The following CNTNAP2 variants were observed in gnomAD, a reference collection of about 807,000 sequenced individuals.
CNTNAP2 encodes contactin associated protein 2, also known as contactin-associated protein-like 2.
CNTNAP2 carries 98 observed loss-of-function variants against 155.2 expected under a neutral mutation model. The observed-to-expected ratio is 0.63, with a 90% CI of 0.54 to 0.75. The LOEUF (loss-of-function observed/expected upper bound fraction) is 0.75. CNTNAP2 is among the 30% of genes least tolerant of loss of function. CNTNAP2 has a pLI of 0.00. For missense variants in CNTNAP2, 1,727 were observed against 1,688.1 expected, an observed-to-expected ratio of 1.02 and a Z score of -0.40; for synonymous variants, 651 against 631.2, an observed-to-expected ratio of 1.03 and a Z score of -0.47.
At chr7:146,373,178 T>C (rs772087652) in intron 1 of CNTNAP2, among the ~76,000 whole-genome samples, 3 of 152,112 alleles carry the variant, frequency 2.0e-5, no homozygotes, top group Non-Finnish European at 4.4e-5. Flanking sequence ...CTGCAGACAT[T>C]TGGGGATCTT....
At chr7:147,060,868 A>AAACAT (rs1799654020) in intron 4 of CNTNAP2, among the ~76,000 whole-genome samples, 1 of 151,822 alleles carries the variant, frequency 6.6e-6, no homozygotes, top group Admixed American at 6.5e-5. Context: ...TGTCTCAAAA[A>AAACAT]AAAAATAGAA....
At chr7:147,733,264 T>G (rs1336470792) in intron 13 of CNTNAP2, among the ~76,000 whole-genome samples, 2 of 152,212 alleles carry the variant, frequency 1.3e-5, no homozygotes, top group Non-Finnish European at 2.9e-5. Flanking sequence ...TAGTCAGTTT[T>G]GTTAAATAGG....
Position 148,323,294 on chromosome 7 carries a change from CTTTTTTTTTTTTTTTT to C in CNTNAP2, c.3475+56181_3475+56196del, listed in dbSNP as rs60109355. Reference sequence around the variant, plus strand: ...CATATGGCTTCCCAATTATGGATTTCTTTTTTTTTTTTTTTTTTTTTTTTTTTTCAGATTGTGATTT... The same window carrying C: ...CATATGGCTTCCCAATTATGGATTTCTTTTTTTTTTTTCAGATTGTGATTT... On this transcript the variant is annotated intron_variant, in intron 21 of 23. Transcript: ENST00000361727. Among the ~76,000 whole-genome samples, 4 of 49,464 alleles carry C rather than the reference CTTTTTTTTTTTTTTTT, an allele frequency of 8.1e-5. No homozygotes were observed. In the East Asian group the frequency reaches 3.2e-3, roughly 40 times the overall value. The allele number at this position is 49,464 out of a possible 152,430, so 32.5% of individuals were successfully genotyped here. A position where few individuals can be genotyped will look rare whatever the true frequency, so the allele number is the denominator to read the frequency against.
intron 8 of CNTNAP2, among the ~76,000 whole-genome samples, chr7:147,299,486 T>A (rs1160159040): frequency 6.6e-6 from 1 of 151,978 alleles, no homozygotes; most frequent in Non-Finnish European, 1.5e-5. Flanking sequence ...TATTTGTAAA[T>A]GTTCAGATAA....
chr7:147,643,309 CAG>C (rs1795315617), intron 13 of CNTNAP2: 4 of 152,238 alleles, frequency 2.6e-5, no homozygotes, highest in Admixed American at 6.5e-5. Flanking sequence ...TCTGATATAC[CAG>C]TCTCTAAATA....
At chr7:147,969,001 A>G in intron 14 of CNTNAP2, among the ~76,000 whole-genome samples, 1 of 152,184 alleles carries the variant, frequency 6.6e-6, no homozygotes, top group East Asian at 1.9e-4. Context: ...TTTCAAAGTT[A>G]CTTTCCTTGT....
At chr7:148,331,992 C>T (rs1798034853) in intron 21 of CNTNAP2, among the ~76,000 whole-genome samples, 1 of 152,164 alleles carries the variant, frequency 6.6e-6, no homozygotes. Context: ...CCACCCTCTG[C>T]TCTCACTTCT....
At chr7:146,438,266 GT>G (rs1796272013) in intron 1 of CNTNAP2, among the ~76,000 whole-genome samples, 1 of 143,038 alleles carries the variant, frequency 7.0e-6, no homozygotes, top group Admixed American at 7.0e-5. Context: ...ATATCCTACA[GT>G]TATTTATCCA....
chr7:148,289,035 G>A (rs1013725998), intron 21 of CNTNAP2, among the ~76,000 whole-genome samples: 1 of 151,540 alleles, frequency 6.6e-6, no homozygotes, highest in African/African-American at 2.4e-5. Context: ...TCAGGGTGGT[G>A]GGATTCCTAC....
intron 4 of CNTNAP2, among the ~76,000 whole-genome samples, chr7:147,079,531 A>G (rs1800072168): frequency 2.0e-5 from 3 of 151,840 alleles, no homozygotes; most frequent in South Asian, 4.2e-4. Context: ...CCAACATGGC[A>G]TATGTATACA....
chr7:146,952,957 A>G (rs1048281420), intron 3 of CNTNAP2, among the ~76,000 whole-genome samples: 1 of 152,090 alleles, frequency 6.6e-6, no homozygotes, highest in Non-Finnish European at 1.5e-5. Flanking sequence ...TGTTTATTGT[A>G]AGTGACAGTC....
intron 10 of CNTNAP2, among the ~76,000 whole-genome samples, chr7:147,469,533 C>CT (rs1230984606): frequency 5.3e-5 from 3 of 57,050 alleles, no homozygotes; most frequent in African/African-American, 1.3e-4. Context: ...TTTTTTTTTT[C>CT]TGTGAGACAA....
intron 3 of CNTNAP2, among the ~76,000 whole-genome samples, chr7:146,852,692 G>T (rs1242211671): frequency 6.6e-6 from 1 of 152,120 alleles, no homozygotes; most frequent in African/African-American, 2.4e-5. Context: ...CTCGCCCAGA[G>T]CCAAAACAGC....
chr7:147,816,008 T>G (rs897154632), intron 13 of CNTNAP2, among the ~76,000 whole-genome samples: 2 of 152,214 alleles, frequency 1.3e-5, no homozygotes. Flanking sequence ...TAATAAGTGG[T>G]GTTGAGACTA....
At chr7:147,893,688 C>T (rs141249236) in intron 13 of CNTNAP2, among the ~76,000 whole-genome samples, 2 of 152,288 alleles carry the variant, frequency 1.3e-5, no homozygotes, top group Admixed American at 1.3e-4. Context: ...ACTTACCTCC[C>T]ACCCGTGGGT....
intron 21 of CNTNAP2, among the ~76,000 whole-genome samples, chr7:148,309,636 G>A (rs1394042914): frequency 6.6e-6 from 1 of 151,338 alleles, no homozygotes; most frequent in Non-Finnish European, 1.5e-5. Flanking sequence ...CTCAGTAGGG[G>A]AGCTTTTGAG....
rs192136779 is a variant in CNTNAP2, at chr7:147,033,741, A to G, written c.403-10166A>G. 1.3e-3 allele frequency among the ~76,000 whole-genome samples: 202 copies of G among 152,090 alleles called. 4 individuals carry two copies. The highest frequency in any genetic ancestry group is 4.3e-3 in the African/African-American group (179 of 41,478). The stretch of plus-strand genomic sequence containing the variant: ...TCACAGCTGACTTACATACTTCTGA[A>G]TCAGTTAGGGAGTTAATCAAAAACA... On this transcript the variant is annotated intron_variant, in intron 3 of 23. Coordinates refer to ENST00000361727, the MANE Select transcript of CNTNAP2 (RefSeq NM_014141.6).
At chr7:147,567,811 C>T (rs12533660) in intron 12 of CNTNAP2, among the ~76,000 whole-genome samples, 414 of 152,246 alleles carry the variant, frequency 2.7e-3, no homozygotes, top group Middle Eastern at 0.01. Flanking sequence ...TTTGGCCGGG[C>T]ACGGCGGCTC....
intron 12 of CNTNAP2, among the ~76,000 whole-genome samples, chr7:147,590,202 T>G (rs542063290): frequency 6.6e-6 from 1 of 152,304 alleles, no homozygotes; most frequent in African/African-American, 2.4e-5. Flanking sequence ...TATCTTCTTT[T>G]ATTTATTTTT....
Sources: allele counts gnomAD v4.1 joint callset (sites outside exome capture counted in the v4.1 genomes callset), GRCh38; gene constraint gnomAD v4.1.1; transcripts MANE v1.5; gene names NCBI Gene and HGNC (gene_info 2026-07-23, HGNC 2026-07-21).